TGS1: variants seen among roughly 807,000 people sequenced by gnomAD.
The protein encoded by TGS1 is trimethylguanosine synthase.
A neutral mutation model predicts 92.2 loss-of-function variants in TGS1; 69 were observed. The ratio of observed to expected loss-of-function variants is 0.75; its 90% CI spans 0.62 to 0.91. TGS1 has a LOEUF of 0.91. Ranked by LOEUF, TGS1 falls within the 40% of genes least tolerant of loss-of-function variation. The probability of loss-of-function intolerance (pLI) is 0.00; values close to 1 mark genes in which losing one functional copy is unlikely to be tolerated. For missense variants in TGS1, 1,062 were observed against 1,001.2 expected, an observed-to-expected ratio of 1.06 and a Z score of -0.82; for synonymous variants, 345 against 338.1, an observed-to-expected ratio of 1.02 and a Z score of -0.22.
intron 9 of TGS1, among the ~76,000 whole-genome samples, chr8:55,803,359 G>T (rs1181836754): frequency 6.6e-6 from 1 of 152,164 alleles, no homozygotes; most frequent in Non-Finnish European, 1.5e-5. Context: ...ACTCAGTCTT[G>T]CAGACTGATG....
chr8:55,777,074 C>T (rs1221012261), intron 1 of TGS1, among the ~76,000 whole-genome samples: 1 of 151,856 alleles, frequency 6.6e-6, no homozygotes, highest in Middle Eastern at 3.2e-3. Context: ...ATGGTACAAT[C>T]ACAGCTCACT....
intron 2 of TGS1, 25 bp downstream of exon 2, chr8:55,782,837 A>T (rs1423750891): frequency 6.6e-7 from 1 of 1,505,694 alleles, no homozygotes; most frequent in East Asian, 2.3e-5. Context: ...AATTCTATAA[A>T]CCTTTTTTGC....
chr8:55,788,619 T>A (rs142560124), intron 4 of TGS1, among the ~76,000 whole-genome samples: 1 of 151,886 alleles, frequency 6.6e-6, no homozygotes, highest in African/African-American at 2.4e-5. Context: ...CCACATACAG[T>A]TAATTTTTTT....
At chr8:55,780,892 A>G (rs1435390011) in intron 1 of TGS1, among the ~76,000 whole-genome samples, 1 of 152,126 alleles carries the variant, frequency 6.6e-6, no homozygotes. Context: ...CCCAGTGGGG[A>G]ACTCTTTGAA....
At chr8:55,780,354 A>G (rs1347634367) in intron 1 of TGS1, among the ~76,000 whole-genome samples, 1 of 151,650 alleles carries the variant, frequency 6.6e-6, no homozygotes, top group Non-Finnish European at 1.5e-5. Flanking sequence ...TGTTTTTTCT[A>G]GAGGTGGGGT....
intron 12 of TGS1, 23 bp downstream of exon 12, chr8:55,813,141 C>G (rs941500044): frequency 2.0e-6 from 3 of 1,502,444 alleles, no homozygotes; most frequent in Non-Finnish European, 2.8e-6. Flanking sequence ...TGAAAAACTT[C>G]CATGAGTGTC....
At chr8:55,823,550 G>A (rs1439156784) in intron 12 of TGS1, among the ~76,000 whole-genome samples, 50 of 152,294 alleles carry the variant, frequency 3.3e-4, no homozygotes, top group Non-Finnish European at 1.5e-5. Flanking sequence ...GTGATCCAAG[G>A]TGGGAGAAAA....
intron 1 of TGS1, among the ~76,000 whole-genome samples, chr8:55,776,140 CT>C (rs1174100489): frequency 6.6e-6 from 1 of 152,040 alleles, no homozygotes. Flanking sequence ...ATTCCTGTCC[CT>C]TTTAAGGGCT....
intron 2 of TGS1, among the ~76,000 whole-genome samples, chr8:55,784,905 G>A (rs547107654): frequency 6.6e-6 from 1 of 152,144 alleles, no homozygotes. Context: ...TTTGCACAGT[G>A]CCCAACATAG....
chr8:55,806,143 G>A (rs1025427513), intron 10 of TGS1, among the ~76,000 whole-genome samples: 2 of 151,494 alleles, frequency 1.3e-5, no homozygotes, highest in African/African-American at 4.9e-5. Context: ...ATCACCTGAG[G>A]TGGGGAGTTC....
intron 4 of TGS1, among the ~76,000 whole-genome samples, chr8:55,788,484 C>T (rs1811782857): frequency 2.6e-5 from 3 of 116,100 alleles, no homozygotes; most frequent in Admixed American, 2.3e-4. Context: ...GAGATGGAGT[C>T]TCACTCTGTC....
chr8:55,799,451 A>C (rs1315126760), intron 8 of TGS1, among the ~76,000 whole-genome samples: 1 of 152,132 alleles, frequency 6.6e-6, no homozygotes, highest in East Asian at 1.9e-4. Context: ...AAAAGGAAAG[A>C]CTGTTGGGAG....
chr8:55,808,203 A>G (rs1192753410), intron 10 of TGS1, among the ~76,000 whole-genome samples: 1 of 152,204 alleles, frequency 6.6e-6, no homozygotes, highest in Non-Finnish European at 1.5e-5. Flanking sequence ...GATAGCCTAG[A>G]GACAAGCTAC....
chr8:55,798,718 A>G (rs905121845), intron 7 of TGS1, among the ~76,000 whole-genome samples, 196 bp from the exon 8 acceptor site: 1 of 152,192 alleles, frequency 6.6e-6, no homozygotes, highest in Admixed American at 6.5e-5. Context: ...AAAACTTTTA[A>G]TAAGGTCATG....
intron 5 of TGS1, among the ~76,000 whole-genome samples, chr8:55,791,466 G>T (rs1013324878): frequency 4.6e-5 from 7 of 152,206 alleles, no homozygotes; most frequent in African/African-American, 1.4e-4. Context: ...CCCAGAAGTG[G>T]CAGTGGTTGT....
intron 7 of TGS1, 45 bp downstream of exon 7, chr8:55,796,197 T>C (rs748682050): frequency 7.6e-6 from 11 of 1,446,496 alleles, no homozygotes; most frequent in Middle Eastern, 2.4e-4. Flanking sequence ...AATCATGTTT[T>C]GTAAGTTTGA....
intron 9 of TGS1, among the ~76,000 whole-genome samples, chr8:55,804,220 C>G (rs1463181227): frequency 6.6e-6 from 1 of 152,130 alleles, no homozygotes; most frequent in Non-Finnish European, 1.5e-5. Context: ...GCAGGCAAAT[C>G]ACTTGAGGCC....
Position 55,782,760 on chromosome 8 carries a change from G to T in TGS1, c.114G>T (p.Leu38Phe), listed in dbSNP as rs779125480. The T allele has an allele frequency of 1.4e-5, 22 of 1,610,752 alleles. No homozygotes were observed. Among genetic ancestry groups the T allele is most frequent in the Non-Finnish European group, 1.9e-5 (22 of 1,178,982 alleles). Residue 38 changes from leucine to phenylalanine, a missense_variant, in exon 2 of 13, where the codon TTG becomes TTT. Coordinates refer to ENST00000260129, the MANE Select transcript of TGS1 (RefSeq NM_024831.8). ...ATCTGCTTCGCAGGGATCGAAAATT[G>T]TACAATTTGGGATTAAAAGGCTATT... ...CSRAFVEDRK[L>F]YNLGLKGYYI... is the part of the protein sequence containing the mutation.
chr8:55,813,004 T>C, intron 11 of TGS1, 36 bp from the exon 12 acceptor site: 1 of 1,373,936 alleles, frequency 7.3e-7, no homozygotes, highest in Non-Finnish European at 1.0e-6. Context: ...AGAAATTAGC[T>C]GCTGTTTTCA....
Sources: allele counts gnomAD v4.1 joint callset (sites outside exome capture counted in the v4.1 genomes callset), GRCh38; gene constraint gnomAD v4.1.1; transcripts MANE v1.5; gene names NCBI Gene and HGNC (gene_info 2026-07-23, HGNC 2026-07-21).